The following UBE2K variants were observed in gnomAD, a reference collection of about 807,000 sequenced individuals.
UBE2K encodes the protein ubiquitin conjugating enzyme E2 K, also known as ubiquitin-conjugating enzyme E2 K.
A neutral mutation model predicts 30.0 loss-of-function variants in UBE2K; 6 were observed. The ratio of observed to expected loss-of-function variants is 0.20; its 90% CI spans 0.11 to 0.39. The LOEUF (loss-of-function observed/expected upper bound fraction) is 0.39. UBE2K is among the 10% of genes least tolerant of loss of function. The pLI is 1.00. For synonymous variants in UBE2K, 86 were observed against 83.7 expected (o/e 1.03, Z -0.15); for missense variants, 61 against 241.6 (o/e 0.25, Z 4.96).
At chr4:39,723,418 G>T (rs2109330422) in intron 1 of UBE2K, among the ~76,000 whole-genome samples, 1 of 148,546 alleles carries the variant, frequency 6.7e-6, no homozygotes, top group African/African-American at 2.5e-5. Flanking sequence ...GCCCGGGCTG[G>T]AGTGCAGTGG....
At chr4:39,767,345 T>G (rs969683286) in intron 4 of UBE2K, among the ~76,000 whole-genome samples, 1 of 151,910 alleles carries the variant, frequency 6.6e-6, no homozygotes, top group Admixed American at 6.6e-5. Context: ...TGTTTGTTTT[T>G]TGAGATGGAG....
At chr4:39,764,538 C>T (rs1712186244) in intron 4 of UBE2K, among the ~76,000 whole-genome samples, 1 of 151,724 alleles carries the variant, frequency 6.6e-6, no homozygotes, top group Non-Finnish European at 1.5e-5. Flanking sequence ...CTTGACCTTC[C>T]AGGCCCCAAG....
intron 2 of UBE2K, among the ~76,000 whole-genome samples, chr4:39,743,168 C>T (rs1266899774): frequency 6.6e-6 from 1 of 152,124 alleles, no homozygotes; most frequent in African/African-American, 2.4e-5. Context: ...TGAGGAGATA[C>T]ATTTGAGAGA....
chr4:39,762,113 A>C (rs1249773528), intron 4 of UBE2K, among the ~76,000 whole-genome samples: 1 of 151,926 alleles, frequency 6.6e-6, no homozygotes, highest in Non-Finnish European at 1.5e-5. Flanking sequence ...GGAGGGGCAG[A>C]GGTTGCAGTG....
intron 4 of UBE2K, chr4:39,771,124 G>A: frequency 6.2e-7 from 1 of 1,612,596 alleles, no homozygotes; most frequent in South Asian, 1.1e-5. Context: ...GGAGGTGGCT[G>A]TAAGATAGTT....
At chr4:39,707,537 CTTT>C (rs35461119) in intron 1 of UBE2K, among the ~76,000 whole-genome samples, 2 of 139,942 alleles carry the variant, frequency 1.4e-5, no homozygotes, top group Non-Finnish European at 1.6e-5. Flanking sequence ...AGCTAGGTGC[CTTT>C]TTTTTTTTTT....
Position 39,779,466 on chromosome 4 carries a change from C to T in UBE2K, c.*1032C>T, listed in dbSNP as rs1293918788. On this transcript the variant is annotated 3_prime_UTR_variant, in exon 7 of 7. Coordinates refer to ENST00000261427, the MANE Select transcript of UBE2K (RefSeq NM_005339.5). ...CAAGTCATTCTTGCTTGCACTTCCC[C>T]TATTGACACATGAAAGCTGTGTTGG... is the stretch of plus-strand genomic sequence containing the variant. 6.6e-6 allele frequency: 1 copy of T among 152,558 alleles called. No homozygotes were observed. The highest frequency in any genetic ancestry group is 1.9e-4 in the East Asian group (1 of 5,192). 9.5% of individuals were successfully genotyped at this position (152,558 alleles called of 1,614,324 possible). A position where few individuals can be genotyped will look rare whatever the true frequency, so the allele number is the denominator to read the frequency against.
At chr4:39,772,286 G>A (rs1712939065) in intron 4 of UBE2K, among the ~76,000 whole-genome samples, 1 of 151,758 alleles carries the variant, frequency 6.6e-6, no homozygotes, top group African/African-American at 2.4e-5. Flanking sequence ...TTGGCTAGTT[G>A]TCGTGGCTCA....
chr4:39,736,350 T>C (rs2109348121), intron 1 of UBE2K, among the ~76,000 whole-genome samples: 1 of 152,264 alleles, frequency 6.6e-6, no homozygotes, highest in Middle Eastern at 3.4e-3. Context: ...TAATCCCAGC[T>C]ACTCAGGAGG....
At chr4:39,731,741 T>C (rs142913606) in intron 1 of UBE2K, among the ~76,000 whole-genome samples, 1 of 152,274 alleles carries the variant, frequency 6.6e-6, no homozygotes, top group African/African-American at 2.4e-5. Context: ...GAAAGATAAG[T>C]CATTTATATT....
chr4:39,707,030 C>CA (rs1718404882), intron 1 of UBE2K, among the ~76,000 whole-genome samples: 1 of 152,014 alleles, frequency 6.6e-6, no homozygotes, highest in Non-Finnish European at 1.5e-5. Context: ...CCTCAGCCTC[C>CA]AGAATGGCTG....
At chr4:39,767,189 C>T (rs1251436800) in intron 4 of UBE2K, among the ~76,000 whole-genome samples, 1 of 152,004 alleles carries the variant, frequency 6.6e-6, no homozygotes, top group Non-Finnish European at 1.5e-5. Flanking sequence ...TTTTTGCTTT[C>T]TAGCTCTTAC....
chr4:39,725,661 A>G (rs983663930), intron 1 of UBE2K, among the ~76,000 whole-genome samples: 1 of 152,138 alleles, frequency 6.6e-6, no homozygotes, highest in Admixed American at 6.6e-5. Flanking sequence ...ATTACTTCAG[A>G]ATGGCTACTT....
intron 4 of UBE2K, among the ~76,000 whole-genome samples, chr4:39,774,173 G>A (rs948237922): frequency 1.1e-4 from 16 of 151,920 alleles, no homozygotes; most frequent in Non-Finnish European, 4.4e-5. Flanking sequence ...GTGTGGTGGT[G>A]TGTGCCTGTA....
At chr4:39,714,697 C>T (rs1327179175) in intron 1 of UBE2K, among the ~76,000 whole-genome samples, 1 of 150,232 alleles carries the variant, frequency 6.7e-6, no homozygotes, top group Non-Finnish European at 1.5e-5. Flanking sequence ...CAGGCATGTG[C>T]CACTACCCCC....
chr4:39,745,997 A>G (rs186242117), intron 3 of UBE2K, among the ~76,000 whole-genome samples, 187 bp downstream of exon 3: 14 of 152,272 alleles, frequency 9.2e-5, no homozygotes, highest in Admixed American at 7.2e-4. Context: ...ATGAAAAGCA[A>G]ACTCACCCAA....
chr4:39,698,635 A>AG (rs1491561326), intron 1 of UBE2K, among the ~76,000 whole-genome samples: 1 of 151,982 alleles, frequency 6.6e-6, no homozygotes, highest in Non-Finnish European at 1.5e-5. Flanking sequence ...GGTGATGGAC[A>AG]GGGGGCAACT....
intron 4 of UBE2K, among the ~76,000 whole-genome samples, chr4:39,769,633 T>C (rs1470924645): frequency 2.0e-5 from 3 of 151,524 alleles, no homozygotes; most frequent in Non-Finnish European, 4.4e-5. Context: ...AGGCCTATTA[T>C]AAGCAGGAGC....
At chr4:39,706,493 G>A (rs1327063376) in intron 1 of UBE2K, among the ~76,000 whole-genome samples, 1 of 141,368 alleles carries the variant, frequency 7.1e-6, no homozygotes, top group Non-Finnish European at 1.5e-5. Context: ...TTTTTTCCCA[G>A]ATGGAATCTC....
Sources: gnomAD v4.1 joint callset for allele counts (sites outside exome capture counted in the v4.1 genomes callset) on GRCh38, gnomAD v4.1.1 for gene constraint, MANE v1.5 for transcripts, NCBI Gene and HGNC (gene_info 2026-07-23, HGNC 2026-07-21) for gene names.